ADRA1B: variants seen among roughly 807,000 people sequenced by gnomAD.
ADRA1B encodes adrenoceptor alpha 1B, also known as alpha-1B adrenergic receptor.
In ADRA1B, 17 loss-of-function variants were observed where a neutral mutation model predicts 17.9. That is an observed-to-expected ratio of 0.95 (90% confidence interval 0.65 to 1.42). The LOEUF (loss-of-function observed/expected upper bound fraction) is 1.42, where lower values mean the gene tolerates loss of function less well. ADRA1B is among the 40% of genes most tolerant of loss of function. ADRA1B has a pLI of 0.00. For synonymous variants in ADRA1B, 366 were observed against 327.6 expected (o/e 1.12, Z -1.27); for missense variants, 681 against 722.1 (o/e 0.94, Z 0.65).
chr5:159,886,556 G>T (rs752160687), intron 1 of ADRA1B, among the ~76,000 whole-genome samples: 1 of 152,166 alleles, frequency 6.6e-6, no homozygotes, highest in East Asian at 1.9e-4. Flanking sequence ...GAAGTTCCAG[G>T]CCTAGAAAGA....
At chr5:159,939,316 TGTGTGTGCGCGCGC>T (rs1330749990) in intron 1 of ADRA1B, among the ~76,000 whole-genome samples, 4 of 119,536 alleles carry the variant, frequency 3.3e-5, no homozygotes, top group Non-Finnish European at 5.3e-5. Context: ...TGTGTGTGTG[TGTGTGTGCGCGCGC>T]GCGCGCACAC....
At chr5:159,954,329 G>A (rs1204449514) in intron 1 of ADRA1B, among the ~76,000 whole-genome samples, 1 of 152,214 alleles carries the variant, frequency 6.6e-6, no homozygotes, top group Non-Finnish European at 1.5e-5. Flanking sequence ...GCAGACAGAT[G>A]CCTTCCTGTT....
chr5:159,884,614 T>C (rs915771442), intron 1 of ADRA1B, among the ~76,000 whole-genome samples: 1 of 152,242 alleles, frequency 6.6e-6, no homozygotes, highest in Non-Finnish European at 1.5e-5. Flanking sequence ...TATTCTGTTA[T>C]AGCAGTGCAA....
downstream of ADRA1B, among the ~76,000 whole-genome samples, chr5:159,976,649 C>CAA (rs778613423): frequency 0.05 from 5,007 of 100,260 alleles, 141 homozygotes; most frequent in East Asian, 0.19. Context: ...CTCACTGTCT[C>CAA]AAAAAAAAAA....
intron 1 of ADRA1B, among the ~76,000 whole-genome samples, chr5:159,904,309 C>T (rs1342862556): frequency 1.3e-5 from 2 of 152,222 alleles, no homozygotes; most frequent in East Asian, 3.8e-4. Context: ...GGCTACACAA[C>T]TTCTACAGTC....
intron 1 of ADRA1B, among the ~76,000 whole-genome samples, chr5:159,877,347 C>T (rs1322346748): frequency 6.6e-6 from 1 of 152,158 alleles, no homozygotes; most frequent in Non-Finnish European, 1.5e-5. Flanking sequence ...CCCACTGCAC[C>T]AGATGGGAAG....
intron 1 of ADRA1B, among the ~76,000 whole-genome samples, chr5:159,875,190 G>A (rs545192511): frequency 6.6e-6 from 1 of 152,176 alleles, no homozygotes; most frequent in African/African-American, 2.4e-5. Flanking sequence ...GGCCTTTTCA[G>A]TAAAATCATG....
At chr5:159,932,145 CT>C (rs1002992298) in intron 1 of ADRA1B, among the ~76,000 whole-genome samples, 2 of 151,892 alleles carry the variant, frequency 1.3e-5, no homozygotes, top group Non-Finnish European at 2.9e-5. Context: ...TTTGTTTTTC[CT>C]TTTTTTCTTT....
intron 1 of ADRA1B, among the ~76,000 whole-genome samples, chr5:159,899,243 GAA>G: frequency 7.0e-6 from 1 of 142,604 alleles, no homozygotes; most frequent in African/African-American, 2.6e-5. Flanking sequence ...AGGGAGGGAG[GAA>G]GGAAGGAAGG....
At chr5:159,935,649 C>A (rs1754934219) in intron 1 of ADRA1B, among the ~76,000 whole-genome samples, 1 of 152,136 alleles carries the variant, frequency 6.6e-6, no homozygotes. Flanking sequence ...TGGGTTCAAG[C>A]CATTCTCAGG....
chr5:159,899,392 A>T (rs1754077222), intron 1 of ADRA1B, among the ~76,000 whole-genome samples: 1 of 152,142 alleles, frequency 6.6e-6, no homozygotes, highest in African/African-American at 2.4e-5. Context: ...TTCTGAGATT[A>T]AGTCTGGGCT....
intron 1 of ADRA1B, among the ~76,000 whole-genome samples, chr5:159,867,352 A>G (rs1753671108): frequency 6.6e-6 from 1 of 152,122 alleles, no homozygotes; most frequent in Admixed American, 6.5e-5. Context: ...TGAGAAATCT[A>G]TTTGTGTCTG....
In ADRA1B at chr5:159,955,210, C is replaced by T. The variant is rs1020915747; in HGVS notation, c.950-16669C>T. 2.8e-5 allele frequency: 28 copies of T among 985,134 alleles called. No homozygotes were observed. In the African/African-American group the frequency reaches 4.4e-4, roughly 15 times the overall value. 61.0% of individuals were successfully genotyped at this position (985,134 alleles called of 1,614,324 possible). A position where few individuals can be genotyped will look rare whatever the true frequency, so the allele number is the denominator to read the frequency against. ...TCATTCACTCTGTATTGGAGAAGTC[C>T]TGAGGGCTGCGGGTGTCAAGGAAGG... On this transcript the variant is annotated intron_variant, in intron 1 of 1. Transcript: ENST00000306675.
At chr5:159,927,380 T>TACACACACACACACACACAC in intron 1 of ADRA1B, among the ~76,000 whole-genome samples, 1 of 55,390 alleles carries the variant, frequency 1.8e-5, no homozygotes, top group African/African-American at 7.2e-5. Flanking sequence ...AATTAAAACA[T>TACACACACACACACACACAC]GCACACACAC....
chr5:159,934,546 C>T (rs1419316950), intron 1 of ADRA1B, among the ~76,000 whole-genome samples: 2 of 151,960 alleles, frequency 1.3e-5, no homozygotes, highest in Non-Finnish European at 2.9e-5. Context: ...CACTCCTATA[C>T]TCCCAGCAAG....
At chr5:159,919,790 A>G (rs1754427835) in intron 1 of ADRA1B, among the ~76,000 whole-genome samples, 1 of 152,240 alleles carries the variant, frequency 6.6e-6, no homozygotes, top group Non-Finnish European at 1.5e-5. Context: ...GAATGGATCA[A>G]AGGTGCAGGC....
intron 1 of ADRA1B, chr5:159,870,725 A>G (rs974211323): frequency 1.3e-5 from 2 of 152,214 alleles, no homozygotes; most frequent in Non-Finnish European, 2.9e-5. Flanking sequence ...ACGCAAAGGA[A>G]TCAAATCTTA....
At position 159,967,954 on chromosome 5, in the gene ADRA1B, C is replaced by T. The variant is rs144258603; in HGVS notation, c.950-3925C>T. 1.4e-3 allele frequency among the ~76,000 whole-genome samples: 216 copies of T among 152,234 alleles called. 1 individual carries two copies. The highest frequency in any genetic ancestry group is 4.2e-3 in the African/African-American group (176 of 41,514). The stretch of plus-strand genomic sequence containing the variant: ...TGAAGAACAACCAAAAAACGTATGC[C>T]GCGCAGACATAGGGGGAAAGTAAAA... On this transcript the variant is annotated intron_variant, in intron 1 of 1. Transcript: ENST00000306675.
chr5:159,952,075 G>A (rs907110438), intron 1 of ADRA1B, among the ~76,000 whole-genome samples: 1 of 152,142 alleles, frequency 6.6e-6, no homozygotes, highest in Non-Finnish European at 1.5e-5. Context: ...TGTATTCACA[G>A]TCAAACGCTT....
Sources: gnomAD v4.1 joint callset for allele counts (sites outside exome capture counted in the v4.1 genomes callset) on GRCh38, gnomAD v4.1.1 for gene constraint, MANE v1.5 for transcripts, NCBI Gene and HGNC (gene_info 2026-07-23, HGNC 2026-07-21) for gene names.